Variants in ZRANB3 observed in about 807,000 individuals in gnomAD.
ZRANB3 encodes DNA annealing helicase and endonuclease ZRANB3.
Under a neutral mutation model 133.8 loss-of-function variants are expected in ZRANB3, and 125 were observed. That is an observed-to-expected ratio of 0.93 (90% confidence interval 0.81 to 1.08). The LOEUF is 1.08. Among genes scored for constraint, ZRANB3 ranks in the 50% least tolerant of loss-of-function variants. The pLI, the probability that ZRANB3 is intolerant of heterozygous loss-of-function variation, is 0.00. For missense variants in ZRANB3, 1,229 were observed against 1,275.5 expected (o/e 0.96, Z 0.56); for synonymous variants, 387 against 432.7 (o/e 0.89, Z 1.31).
intron 12 of ZRANB3, among the ~76,000 whole-genome samples, chr2:135,238,379 G>A (rs929968254): frequency 1.3e-5 from 2 of 149,516 alleles, no homozygotes; most frequent in African/African-American, 2.5e-5. Context: ...TGCAGTTAAA[G>A]TAATGCTGTG....
chr2:135,328,936 T>G (rs1164516237), intron 6 of ZRANB3, among the ~76,000 whole-genome samples: 1 of 152,214 alleles, frequency 6.6e-6, no homozygotes, highest in Non-Finnish European at 1.5e-5. Context: ...TTTGTTTAAG[T>G]TCTTTGCAGA....
chr2:135,377,077 G>A (rs1293132199), intron 3 of ZRANB3, among the ~76,000 whole-genome samples: 6 of 152,190 alleles, frequency 3.9e-5, no homozygotes, highest in African/African-American at 1.2e-4. Flanking sequence ...GTTAACAACT[G>A]TGAAACTGCT....
At chr2:135,506,207 G>C (rs1338278493) in intron 1 of ZRANB3, among the ~76,000 whole-genome samples, 1 of 152,104 alleles carries the variant, frequency 6.6e-6, no homozygotes, top group Admixed American at 6.6e-5. Flanking sequence ...CCTGGTCAAC[G>C]TGGCGAAACA....
At position 135,402,318 on chromosome 2, in the gene ZRANB3, G is replaced by A. The variant is rs113520623; in HGVS notation, c.162-11498C>T. Among the ~76,000 whole-genome samples the A allele has an allele frequency of 4.5e-4, 66 of 145,572 alleles. 1 individual carries two copies. Among genetic ancestry groups the A allele is most frequent in the Admixed American group, 2.9e-3 (41 of 14,354 alleles). On this transcript the variant is annotated intron_variant, in intron 2 of 20. Transcript: ENST00000264159. ...CTCTTTTTTTTTTTTTTTTTGAGAC[G>A]GAGTCTCGCTCTGTTGCCCGGGCTG...
At chr2:135,219,568 C>T (rs1198954302) in intron 15 of ZRANB3, among the ~76,000 whole-genome samples, 1 of 152,298 alleles carries the variant, frequency 6.6e-6, no homozygotes, top group South Asian at 2.1e-4. Context: ...AGTAGCACAA[C>T]CATTCCAAAT....
At chr2:135,227,754 A>G in intron 14 of ZRANB3, 58 bp downstream of exon 14, 1 of 1,487,640 alleles carries the variant, frequency 6.7e-7, no homozygotes, top group South Asian at 1.2e-5. Flanking sequence ...TAATAACAGT[A>G]TTATGTGTGA....
intron 10 of ZRANB3, among the ~76,000 whole-genome samples, chr2:135,269,822 T>G (rs1680427388): frequency 6.6e-6 from 1 of 151,846 alleles, no homozygotes; most frequent in South Asian, 2.1e-4. Flanking sequence ...ACTTTAATGT[T>G]GGTAGGCTGA....
rs567987413 is a variant in ZRANB3, at chr2:135,392,536, G to A, written c.162-1716C>T. ...AAGCCGAGGTGACTGGATCACCTGAGGTCAGGAGTACGAGACCAGCCTGGC... is the reference window on the plus strand; with the variant it reads ...AAGCCGAGGTGACTGGATCACCTGAAGTCAGGAGTACGAGACCAGCCTGGC... On this transcript the variant is annotated intron_variant, in intron 2 of 20. Coordinates refer to ENST00000264159, the MANE Select transcript of ZRANB3 (RefSeq NM_032143.4). Among the ~76,000 whole-genome samples the A allele has an allele frequency of 9.9e-5, 15 of 152,220 alleles. No individual in the cohort carries two copies. The South Asian group carries it at 3.1e-3, about 32-fold the overall frequency.
At chr2:135,318,422 T>C (rs1048998234) in intron 6 of ZRANB3, among the ~76,000 whole-genome samples, 2 of 152,166 alleles carry the variant, frequency 1.3e-5, no homozygotes, top group Non-Finnish European at 2.9e-5. Context: ...ATGCCAACTA[T>C]GGATTATTAA....
At position 135,420,233 on chromosome 2, in the gene ZRANB3, T is replaced by C. The variant is rs537692391; in HGVS notation, c.162-29413A>G. Among the ~76,000 whole-genome samples the C allele has an allele frequency of 8.2e-4, 124 of 151,020 alleles. 1 individual carries two copies. The highest frequency in any genetic ancestry group is 2.7e-3 in the African/African-American group (110 of 41,382). ...TGAGGAATAGGGATTAGAGAGAGAC[T>C]TTCCACTTTTGTATCTCTTTAATGG... On this transcript the variant is annotated intron_variant, in intron 2 of 20. Coordinates refer to ENST00000264159, the MANE Select transcript of ZRANB3 (RefSeq NM_032143.4).
intron 2 of ZRANB3, among the ~76,000 whole-genome samples, chr2:135,484,854 T>C (rs1046031317): frequency 2.0e-5 from 3 of 151,436 alleles, no homozygotes; most frequent in African/African-American, 4.9e-5. Context: ...GTCAATACAG[T>C]GAAACCCCGC....
chr2:135,511,910 CA>C, intron 1 of ZRANB3: 2 of 765,430 alleles, frequency 2.6e-6, no homozygotes, highest in Middle Eastern at 2.4e-4. Context: ...AATTCCCACC[CA>C]ACCAGCAGGG....
intron 17 of ZRANB3, among the ~76,000 whole-genome samples, chr2:135,210,397 C>G (rs1694045646): frequency 6.6e-6 from 1 of 152,088 alleles, no homozygotes; most frequent in African/African-American, 2.4e-5. Context: ...TGCAATGACA[C>G]TATCTCAGCT....
chr2:135,414,417 A>G (rs1156571733), intron 2 of ZRANB3, among the ~76,000 whole-genome samples: 1 of 152,200 alleles, frequency 6.6e-6, no homozygotes, highest in African/African-American at 2.4e-5. Context: ...TCCTAAATAT[A>G]TATGCACCCA....
intron 2 of ZRANB3, among the ~76,000 whole-genome samples, chr2:135,455,347 C>A (rs1690462598): frequency 6.6e-6 from 1 of 151,464 alleles, no homozygotes; most frequent in Admixed American, 6.6e-5. Context: ...TGCCACCACG[C>A]CTGGCTAATT....
intron 2 of ZRANB3, among the ~76,000 whole-genome samples, chr2:135,484,831 G>A (rs1189792023): frequency 6.6e-6 from 1 of 151,506 alleles, no homozygotes; most frequent in Non-Finnish European, 1.5e-5. Flanking sequence ...GTCAGGAGTT[G>A]GAGATCAGCC....
chr2:135,427,152 A>G (rs920971885), intron 2 of ZRANB3, among the ~76,000 whole-genome samples: 2 of 151,752 alleles, frequency 1.3e-5, no homozygotes, highest in African/African-American at 2.4e-5. Flanking sequence ...TTAGAACCAG[A>G]GCAAGACAAG....
chr2:135,457,521 C>T (rs1041836641), intron 2 of ZRANB3, among the ~76,000 whole-genome samples: 1 of 152,092 alleles, frequency 6.6e-6, no homozygotes, highest in African/African-American at 2.4e-5. Flanking sequence ...TAAAGATGTT[C>T]AGCATCTTTT....
chr2:135,222,750 T>C (rs553773365), intron 15 of ZRANB3, among the ~76,000 whole-genome samples: 61 of 152,100 alleles, frequency 4.0e-4, no homozygotes, highest in African/African-American at 1.4e-3. Context: ...TTATTTTAAA[T>C]AAAAAATGTT....
Sources: allele counts gnomAD v4.1 joint callset (sites outside exome capture counted in the v4.1 genomes callset), GRCh38; gene constraint gnomAD v4.1.1; transcripts MANE v1.5; gene names NCBI Gene and HGNC (gene_info 2026-07-23, HGNC 2026-07-21).